Variants in ABHD2 observed in about 807,000 individuals in gnomAD.
The protein encoded by ABHD2 is monoacylglycerol lipase ABHD2.
In ABHD2, 20 loss-of-function variants were observed where a neutral mutation model predicts 48.1. The observed-to-expected ratio is 0.42, with a 90% confidence interval of 0.29 to 0.60. The LOEUF (loss-of-function observed/expected upper bound fraction) is 0.60, where lower values mean the gene tolerates loss of function less well. Among genes scored for constraint, ABHD2 ranks in the 20% least tolerant of loss-of-function variants. The pLI is 0.24. For synonymous variants in ABHD2, 209 were observed against 214.2 expected, an observed-to-expected ratio of 0.98 and a Z score of 0.21; for missense variants, 405 against 550.9, an observed-to-expected ratio of 0.74 and a Z score of 2.65.
At chr15:89,191,855 C>G (rs1157200570) in intron 9 of ABHD2, among the ~76,000 whole-genome samples, 1 of 152,062 alleles carries the variant, frequency 6.6e-6, no homozygotes, top group Admixed American at 6.6e-5. Context: ...TCTCCAACTC[C>G]TCACCTCGTG....
chr15:89,101,450 C>T (rs1400723266), intron 1 of ABHD2, among the ~76,000 whole-genome samples: 1 of 152,164 alleles, frequency 6.6e-6, no homozygotes, highest in Non-Finnish European at 1.5e-5. Flanking sequence ...ACCTCTCCGC[C>T]CAATGTAATA....
At chr15:89,069,674 C>CTTTTTTTTTTTTTTTTTTTTTTTTTTTT in the ABHD2 span, among the ~76,000 whole-genome samples, 8 of 52,900 alleles carry the variant, frequency 1.5e-4, 2 homozygotes, top group African/African-American at 2.2e-4. Flanking sequence ...TTCATTTACT[C>CTTTTTTTTTTTTTTTTTTTTTTTTTTTT]TTTTTTTTTT....
chr15:89,048,329 A>T, the ABHD2 span, among the ~76,000 whole-genome samples: 3 of 152,038 alleles, frequency 2.0e-5, no homozygotes, highest in Admixed American at 2.0e-4. Context: ...GCTGCCCTTA[A>T]CATTTTTCCT....
In ABHD2 at chr15:89,195,159, A is replaced by AC. The variant is rs2051377252; in HGVS notation, c.1082-66dup. ...ACAGCCAGGCTACCCTAGCCAGCTC[A>AC]CCTCTGCACCTCCTGTCCTGGAGCA... is the stretch of plus-strand genomic sequence containing the variant. On this transcript the variant is annotated intron_variant, in intron 10 of 10. Transcript: ENST00000352732. This position sits in a 1 kb window ranked among gnomAD's most constrained non-coding sequence, Gnocchi z 5.1. 6.5e-7 allele frequency: 1 copy of AC among 1,545,048 alleles called. No homozygotes were observed. The highest frequency in any genetic ancestry group is 8.8e-7 in the Non-Finnish European group (1 of 1,142,074).
chr15:89,068,361 C>T, the ABHD2 span, among the ~76,000 whole-genome samples: 3 of 152,182 alleles, frequency 2.0e-5, no homozygotes, highest in Admixed American at 6.5e-5. Flanking sequence ...CAGCAACTAG[C>T]AGGGGTGGCT....
chr15:89,127,576 C>G lies in ABHD2; in HGVS notation c.194+11055C>G, dbSNP rs902452118. On this transcript the variant is annotated intron_variant, in intron 3 of 10. Coordinates refer to ENST00000352732, the MANE Select transcript of ABHD2 (RefSeq NM_152924.5). ...CAAAAGCTTGAACAGTAATTTCTTACTGATGTAAAGTGAGAAACTCCATAA... is the reference window on the plus strand; with the variant it reads ...CAAAAGCTTGAACAGTAATTTCTTAGTGATGTAAAGTGAGAAACTCCATAA... 5.9e-5 allele frequency among the ~76,000 whole-genome samples: 9 copies of G among 151,762 alleles called. No individual in the cohort carries two copies. In the South Asian group the frequency reaches 1.9e-3, roughly 31 times the overall value.
Position 89,173,320 on chromosome 15 carries a change from C to G in ABHD2, c.539-2492C>G, listed in dbSNP as rs936601870. ...CAGGGCAGTGGCTCATGCCTGTAAT[C>G]CCAGCACTTTGGGAGGCGGAGGCAG... On this transcript the variant is annotated intron_variant, in intron 5 of 10. Coordinates refer to ENST00000352732, the MANE Select transcript of ABHD2 (RefSeq NM_152924.5). This position sits in a 1 kb window ranked among gnomAD's most constrained non-coding sequence, Gnocchi z 6.5. Among the ~76,000 whole-genome samples, 1 of 152,220 alleles carries G rather than the reference C, an allele frequency of 6.6e-6. No individual in the cohort carries two copies. Among genetic ancestry groups the G allele is most frequent in the Non-Finnish European group, 1.5e-5 (1 of 68,048 alleles).
At position 89,201,279 on chromosome 15, in the gene ABHD2, T is replaced by C; in HGVS notation, c.*5856T>C. The C allele has an allele frequency of 1.7e-6, 2 of 1,163,340 alleles. No individual in the cohort carries two copies. The highest frequency in any genetic ancestry group is 2.6e-5 in the South Asian group (2 of 77,928). The allele number at this position is 1,163,340 out of a possible 1,614,324, so 72.1% of individuals were successfully genotyped here. A position where few individuals can be genotyped will look rare whatever the true frequency, so the allele number is the denominator to read the frequency against. ...AGCTTCATCATTTCTCCCTGAAGTC[T>C]TTTACACTCTTCTGTTAGTTTCCTT... On this transcript the variant is annotated 3_prime_UTR_variant, in exon 11 of 11. Transcript: ENST00000352732.
the ABHD2 span, among the ~76,000 whole-genome samples, chr15:89,074,314 T>C: frequency 6.6e-6 from 1 of 151,550 alleles, no homozygotes; most frequent in Non-Finnish European, 1.5e-5. Flanking sequence ...CGGTGGAGGT[T>C]GCAGTGAGCA....
chr15:89,098,049 T>C (rs550685667), intron 1 of ABHD2, among the ~76,000 whole-genome samples: 2 of 151,982 alleles, frequency 1.3e-5, no homozygotes, highest in South Asian at 4.2e-4. Context: ...CCAGCTAATT[T>C]TTGTGTTTGT....
rs376780934 is a variant in ABHD2 at position 89,109,970 on chromosome 15, A to G, written c.-106-3755A>G. On this transcript the variant is annotated intron_variant, in intron 1 of 10. Transcript: ENST00000352732. ...CTATGCATATCCTCCTATATACATT[A>G]AATCATCTCTAGATTACTTATAATA... Among the ~76,000 whole-genome samples, 45 of 152,386 alleles carry G rather than the reference A, an allele frequency of 3.0e-4. No individual in the cohort carries two copies. In the South Asian group the frequency reaches 8.1e-3, roughly 27 times the overall value.
Position 89,108,708 on chromosome 15 carries a change from A to G in ABHD2, c.-106-5017A>G, listed in dbSNP as rs532465430. Among the ~76,000 whole-genome samples, 11 of 152,352 alleles carry G rather than the reference A, an allele frequency of 7.2e-5. No individual in the cohort carries two copies. The South Asian group carries it at 2.1e-3, about 29-fold the overall frequency. ...ATCCCATGCAGGTGGAATGAATATGATGAAATTATTGGCACAGCTGAAAGA... is the reference window on the plus strand; with the variant it reads ...ATCCCATGCAGGTGGAATGAATATGGTGAAATTATTGGCACAGCTGAAAGA... On this transcript the variant is annotated intron_variant, in intron 1 of 10. Transcript: ENST00000352732.
chr15:89,143,707 T>C (rs1233900112), intron 3 of ABHD2, among the ~76,000 whole-genome samples: 1 of 151,672 alleles, frequency 6.6e-6, no homozygotes, highest in Non-Finnish European at 1.5e-5. Flanking sequence ...AAAAATGTGA[T>C]TAATTTTAGA....
intron 5 of ABHD2, among the ~76,000 whole-genome samples, chr15:89,156,850 A>G (rs973204769): frequency 2.0e-5 from 3 of 152,234 alleles, no homozygotes; most frequent in Non-Finnish European, 2.9e-5. Context: ...ATGCATCTGT[A>G]TATGCACAAA....
In ABHD2 at chr15:89,151,757, C is replaced by T. The variant is rs778960678; in HGVS notation, c.275C>T (p.Pro92Leu). The change falls in exon 4 of 11, where the codon CCA becomes CTA. Residue 92 changes from proline (P) to leucine (L), a missense_variant. Physicochemically the swap from Pro to Leu is moderately conservative, Grantham distance 98. Transcript: ENST00000352732. This position sits in a 1 kb window ranked among gnomAD's most constrained non-coding sequence, Gnocchi z 4.7. ...LYGKMGRVRS[P>L]HPYGHRKFIT... ...GGGAAGATGGGAAGGGTGAGGTCGC[C>T]ACATCCTTATGGGCACCGGAAGTTC... 6.2e-7 allele frequency: 1 copy of T among 1,614,204 alleles called. No homozygotes were observed. The highest frequency in any genetic ancestry group is 1.7e-5 in the Admixed American group (1 of 60,024).
Position 89,201,829 on chromosome 15 carries a change from G to C in ABHD2, c.*6406G>C. 2 of 1,174,648 alleles carry C rather than the reference G, an allele frequency of 1.7e-6. No homozygotes were observed. The highest frequency in any genetic ancestry group is 2.5e-6 in the Non-Finnish European group (2 of 814,362). 72.8% of individuals were successfully genotyped at this position (1,174,648 alleles called of 1,614,324 possible). The stretch of plus-strand genomic sequence containing the variant: ...GGAGAGACAGCGCAGAGCAGGGGGC[G>C]GCTTGCTCGCTGGGGGCGGGGGACG... On this transcript the variant is annotated 3_prime_UTR_variant, in exon 11 of 11. Coordinates refer to ENST00000352732, the MANE Select transcript of ABHD2 (RefSeq NM_152924.5).
At chr15:89,126,532 T>C (rs931929314) in intron 3 of ABHD2, among the ~76,000 whole-genome samples, 1 of 152,212 alleles carries the variant, frequency 6.6e-6, no homozygotes, top group African/African-American at 2.4e-5. Flanking sequence ...AGGTTGCCAA[T>C]TTTGATCTCC....
chr15:89,188,397 C>G lies in ABHD2; in HGVS notation c.926+94C>G. 1 of 1,086,278 alleles carries G rather than the reference C, an allele frequency of 9.2e-7. No homozygotes were observed. Among genetic ancestry groups the G allele is most frequent in the Non-Finnish European group, 1.4e-6 (1 of 727,686 alleles). The allele number at this position is 1,086,278 out of a possible 1,614,324, so 67.3% of individuals were successfully genotyped here. ...GTGCCCAGCACTAGTGTTTGCTCTG[C>G]CTACTTGAGTGTTAAGGGTGTTTTT... On this transcript the variant is annotated intron_variant, in intron 8 of 10. Transcript: ENST00000352732. The surrounding 1 kb of genome is among the most constrained non-coding windows in gnomAD (Gnocchi z 4.1).
Position 89,188,335 on chromosome 15 carries a change from T to TG in ABHD2, c.926+36dup, listed in dbSNP as rs1304734303. On this transcript the variant is annotated intron_variant, in intron 8 of 10. Coordinates refer to ENST00000352732, the MANE Select transcript of ABHD2 (RefSeq NM_152924.5). This position sits in a 1 kb window ranked among gnomAD's most constrained non-coding sequence, Gnocchi z 4.1. ...CCGCGCAGGCGGGAGAGGGACGCTC[T>TG]GGGGCAGGGTGCCAGGCAGGAGGCT... The TG allele has an allele frequency of 6.3e-7, 1 of 1,597,334 alleles. No individual in the cohort carries two copies. Among genetic ancestry groups the TG allele is most frequent in the South Asian group, 1.1e-5 (1 of 90,630 alleles).
Sources: gnomAD v4.1 joint callset for allele counts (sites outside exome capture counted in the v4.1 genomes callset) on GRCh38, gnomAD v4.1.1 for gene constraint, Gnocchi (gnomAD v3.1) non-coding constraint, MANE v1.5 for transcripts, NCBI Gene and HGNC (gene_info 2026-07-23, HGNC 2026-07-21) for gene names.